Variants in FAM184A observed in about 807,000 individuals in gnomAD.
FAM184A encodes family with sequence similarity 184 member A.
FAM184A carries 99 observed loss-of-function variants against 143.8 expected under a neutral mutation model. The observed-to-expected ratio is 0.69, with a 90% CI of 0.58 to 0.81. The LOEUF is 0.81. FAM184A is among the 40% of genes least tolerant of loss of function. The pLI is 0.00. For synonymous variants in FAM184A, 427 were observed against 446.4 expected (o/e 0.96, Z 0.55); for missense variants, 1,217 against 1,310.5 (o/e 0.93, Z 1.10).
chr6:119,055,275 T>A (rs947709798), intron 1 of FAM184A, among the ~76,000 whole-genome samples: 25 of 152,364 alleles, frequency 1.6e-4, no homozygotes, highest in African/African-American at 5.5e-4. Flanking sequence ...GGATATACCA[T>A]ATTTTATTCA....
intron 1 of FAM184A, among the ~76,000 whole-genome samples, chr6:119,071,891 A>G (rs1018500144): frequency 4.1e-5 from 5 of 122,472 alleles, no homozygotes; most frequent in African/African-American, 1.5e-4. Flanking sequence ...TTTGAGATAG[A>G]GTCTTGCTCT....
intron 1 of FAM184A, among the ~76,000 whole-genome samples, chr6:119,066,193 G>A (rs937681954): frequency 1.3e-5 from 2 of 152,152 alleles, no homozygotes; most frequent in African/African-American, 4.8e-5. Flanking sequence ...TTAACACCAA[G>A]TGTCTTAAAG....
intron 9 of FAM184A, among the ~76,000 whole-genome samples, chr6:118,989,435 A>G (rs1784296174): frequency 8.2e-6 from 1 of 121,894 alleles, no homozygotes; most frequent in Non-Finnish European, 2.0e-5. Flanking sequence ...TATATTGCTA[A>G]TTTTCAGAAA....
At chr6:119,111,063 A>G (rs1164164084) in intron 1 of FAM184A, among the ~76,000 whole-genome samples, 2 of 152,196 alleles carry the variant, frequency 1.3e-5, no homozygotes, top group Non-Finnish European at 2.9e-5. Flanking sequence ...TGAAGTTTCT[A>G]TTTGTACATC....
intron 1 of FAM184A, among the ~76,000 whole-genome samples, chr6:119,060,079 T>C (rs1362303427): frequency 2.0e-5 from 3 of 152,190 alleles, no homozygotes; most frequent in Non-Finnish European, 4.4e-5. Flanking sequence ...TCTAAGTGTT[T>C]AGTCACTTCG....
chr6:118,976,034 G>T lies in FAM184A; in HGVS notation c.2466C>A (p.Arg822=). 6.2e-7 allele frequency: 1 copy of T among 1,611,040 alleles called. No individual in the cohort carries two copies. The highest frequency in any genetic ancestry group is 8.5e-7 in the Non-Finnish European group (1 of 1,179,320). The change falls in exon 12 of 18, where the codon CGC becomes CGA. Residue 822 remains arginine, a synonymous_variant. Transcript: ENST00000338891. Reference sequence around the variant, plus strand: ...CTGCATGTTGATGGTTGAGTTCTGAGCGCAAGGAAGCTGGAATTGCAAGGC... The same window carrying T: ...CTGCATGTTGATGGTTGAGTTCTGATCGCAAGGAAGCTGGAATTGCAAGGC... ...DEGKAMLASL[R]SELNHQHAAA...
chr6:119,115,017 A>G (rs1407018534), intron 1 of FAM184A, among the ~76,000 whole-genome samples: 1 of 152,128 alleles, frequency 6.6e-6, no homozygotes, highest in Non-Finnish European at 1.5e-5. Flanking sequence ...CTTATTGATC[A>G]TTTGTATATA....
intron 1 of FAM184A, among the ~76,000 whole-genome samples, chr6:119,119,632 A>T (rs1789158216): frequency 6.6e-6 from 1 of 152,104 alleles, no homozygotes; most frequent in East Asian, 1.9e-4. Flanking sequence ...ACTGGAAAAA[A>T]CTTCTCCAAC....
At chr6:119,006,715 G>A (rs906949654) in intron 6 of FAM184A, 107 bp from the exon 7 acceptor site, 7 of 863,660 alleles carry the variant, frequency 8.1e-6, no homozygotes, top group South Asian at 2.4e-5. Context: ...TTTACTGAAT[G>A]GATGATTTCC....
At chr6:119,093,688 C>T (rs1018945869) in intron 1 of FAM184A, among the ~76,000 whole-genome samples, 4 of 152,112 alleles carry the variant, frequency 2.6e-5, no homozygotes, top group African/African-American at 7.2e-5. Context: ...AGGTTTTCAT[C>T]CTCTTCAGGC....
chr6:119,089,991 A>G (rs1316149501), intron 1 of FAM184A, among the ~76,000 whole-genome samples: 2 of 152,120 alleles, frequency 1.3e-5, no homozygotes, highest in African/African-American at 4.8e-5. Context: ...AGTTAACTTC[A>G]TTTTCTCAAC....
At chr6:119,103,920 C>CAGA (rs1485142182) in intron 1 of FAM184A, among the ~76,000 whole-genome samples, 1 of 128,252 alleles carries the variant, frequency 7.8e-6, no homozygotes, top group Non-Finnish European at 1.6e-5. Context: ...AGTGAGACTC[C>CAGA]GTGTAGAGAA....
chr6:119,142,868 C>T (rs1298405067), intron 1 of FAM184A, among the ~76,000 whole-genome samples: 1 of 152,130 alleles, frequency 6.6e-6, no homozygotes, highest in African/African-American at 2.4e-5. Flanking sequence ...CCAATTATTG[C>T]TGACCGGATA....
intron 6 of FAM184A, chr6:119,011,101 C>T: frequency 2.2e-6 from 1 of 453,598 alleles, no homozygotes; most frequent in Non-Finnish European, 3.8e-6. Context: ...CACAACAGCA[C>T]CTTAGTTTAA....
At chr6:119,001,123 T>C (rs1186317475) in intron 9 of FAM184A, among the ~76,000 whole-genome samples, 1 of 147,532 alleles carries the variant, frequency 6.8e-6, no homozygotes, top group Non-Finnish European at 1.5e-5. Flanking sequence ...TAATTTTTTG[T>C]CATCTAGTAT....
intron 1 of FAM184A, among the ~76,000 whole-genome samples, chr6:119,105,814 AT>A (rs1190409652): frequency 6.6e-6 from 1 of 152,198 alleles, no homozygotes; most frequent in Non-Finnish European, 1.5e-5. Context: ...AACCATACGC[AT>A]TGCAGAAATT....
chr6:119,131,738 C>G (rs1789540897), intron 1 of FAM184A, among the ~76,000 whole-genome samples: 1 of 152,084 alleles, frequency 6.6e-6, no homozygotes, highest in Non-Finnish European at 1.5e-5. Flanking sequence ...CCCACCCAGC[C>G]CCCCAAAGTA....
intron 1 of FAM184A, among the ~76,000 whole-genome samples, chr6:119,075,743 T>C (rs992647712): frequency 3.9e-5 from 6 of 152,256 alleles, no homozygotes; most frequent in African/African-American, 1.4e-4. Context: ...AAATTCTATA[T>C]GGCAGGCAGT....
intron 1 of FAM184A, among the ~76,000 whole-genome samples, chr6:119,091,317 A>G (rs956833861): frequency 3.9e-5 from 6 of 152,206 alleles, no homozygotes; most frequent in Non-Finnish European, 8.8e-5. Flanking sequence ...CAACTTCTCC[A>G]CCTTGGTTTC....
Sources: allele counts gnomAD v4.1 joint callset (sites outside exome capture counted in the v4.1 genomes callset), GRCh38; gene constraint gnomAD v4.1.1; transcripts MANE v1.5; gene names NCBI Gene and HGNC (gene_info 2026-07-23, HGNC 2026-07-21).